Variants in ZNF431 observed in about 807,000 individuals in gnomAD.
ZNF431 encodes zinc finger protein 431.
In ZNF431, 34 loss-of-function variants were observed where a neutral mutation model predicts 57.0. The observed-to-expected ratio is 0.60, with a 90% CI of 0.45 to 0.79. ZNF431 has a LOEUF of 0.79. Among genes scored for constraint, ZNF431 ranks in the 30% least tolerant of loss-of-function variants. The probability of loss-of-function intolerance (pLI) is 0.00; values close to 1 mark genes in which losing one functional copy is unlikely to be tolerated. For missense variants in ZNF431, 607 were observed against 667.1 expected (o/e 0.91, Z 0.99); for synonymous variants, 207 against 220.3 (o/e 0.94, Z 0.54).
At chr19:21,182,375 C>G (rs1599620099) in intron 4 of ZNF431, among the ~76,000 whole-genome samples, 1 of 152,180 alleles carries the variant, frequency 6.6e-6, no homozygotes, top group Non-Finnish European at 1.5e-5. Context: ...TCTTCTGTGT[C>G]TTTGCATTCC....
At position 21,195,274 on chromosome 19, in the gene ZNF431, T is replaced by C. The variant is rs1229943096; in HGVS notation, c.*11240T>C. The C allele has an allele frequency of 6.6e-6, 1 of 152,260 alleles. No homozygotes were observed. The highest frequency in any genetic ancestry group is 2.4e-5 in the African/African-American group (1 of 41,472). 9.4% of individuals were successfully genotyped at this position (152,260 alleles called of 1,614,324 possible). ...CTGCTGCTTCTTAAGATGCTTTTAA[T>C]GAATAAAATCTGCCTTAAAATTTGA... On this transcript the variant is annotated 3_prime_UTR_variant, in exon 5 of 5. Coordinates refer to ENST00000311048, the MANE Select transcript of ZNF431 (RefSeq NM_133473.4).
Position 21,194,288 on chromosome 19 carries a change from A to G in ZNF431, c.*10254A>G, listed in dbSNP as rs925868024. ...TAAACAAAAAATAATATACTTAGAAATACATCAAACCAGGGAGGTAAAATA... is the reference window on the plus strand; with the variant it reads ...TAAACAAAAAATAATATACTTAGAAGTACATCAAACCAGGGAGGTAAAATA... On this transcript the variant is annotated 3_prime_UTR_variant, in exon 5 of 5. Coordinates refer to ENST00000311048, the MANE Select transcript of ZNF431 (RefSeq NM_133473.4). 3.3e-5 allele frequency: 5 copies of G among 152,212 alleles called. No individual in the cohort carries two copies. The highest frequency in any genetic ancestry group is 1.2e-4 in the African/African-American group (5 of 41,460). The allele number at this position is 152,212 out of a possible 1,614,324, so 9.4% of individuals were successfully genotyped here. A position where few individuals can be genotyped will look rare whatever the true frequency, so the allele number is the denominator to read the frequency against.
chr19:21,142,506 C>G (rs1014097442), intron 1 of ZNF431, among the ~76,000 whole-genome samples: 1 of 152,226 alleles, frequency 6.6e-6, no homozygotes, highest in African/African-American at 2.4e-5. Flanking sequence ...GGGGACAGTT[C>G]TGACTCGGGG....
At chr19:21,175,899 T>G (rs568989900) in intron 4 of ZNF431, among the ~76,000 whole-genome samples, 80 of 152,364 alleles carry the variant, frequency 5.3e-4, no homozygotes, top group African/African-American at 1.9e-3. Flanking sequence ...CATCCATGTA[T>G]CTTCATAATA....
Position 21,188,102 on chromosome 19 carries a change from T to C in ZNF431, c.*4068T>C, listed in dbSNP as rs927507172. 6.6e-6 allele frequency: 1 copy of C among 151,912 alleles called. No individual in the cohort carries two copies. Among genetic ancestry groups the C allele is most frequent in the Non-Finnish European group, 1.5e-5 (1 of 68,034 alleles). 9.4% of individuals were successfully genotyped at this position (151,912 alleles called of 1,614,324 possible). ...GGTGAAACCCTGTGTCTACTAAAAA[T>C]ACAAATTTAGCCACGCGTGGTGACG... On this transcript the variant is annotated 3_prime_UTR_variant, in exon 5 of 5. Coordinates refer to ENST00000311048, the MANE Select transcript of ZNF431 (RefSeq NM_133473.4).
chr19:21,156,362 AT>A (rs138201493), intron 2 of ZNF431, among the ~76,000 whole-genome samples: 70 of 150,752 alleles, frequency 4.6e-4, no homozygotes, highest in African/African-American at 1.6e-3. Flanking sequence ...CCACGCATGG[AT>A]TTTTTTTTTC....
intron 4 of ZNF431, among the ~76,000 whole-genome samples, chr19:21,176,780 C>G (rs535743718): frequency 6.6e-6 from 1 of 152,192 alleles, no homozygotes; most frequent in East Asian, 1.9e-4. Context: ...TCACTGCAAC[C>G]TCCACTTCCC....
chr19:21,178,018 T>G (rs1222696903), intron 4 of ZNF431, among the ~76,000 whole-genome samples: 1 of 152,184 alleles, frequency 6.6e-6, no homozygotes, highest in Non-Finnish European at 1.5e-5. Context: ...GTAGTTCTCC[T>G]TGAAGAGGTC....
At chr19:21,143,491 G>A (rs1316333128) in intron 1 of ZNF431, 60 bp from the exon 2 acceptor site, 12 of 1,329,392 alleles carry the variant, frequency 9.0e-6, no homozygotes, top group Non-Finnish European at 1.3e-5. Flanking sequence ...GATATCCACC[G>A]TGGTTATGTC....
At chr19:21,151,021 T>C (rs1443558988) in intron 2 of ZNF431, 1 of 152,184 alleles carries the variant, frequency 6.6e-6, no homozygotes, top group Non-Finnish European at 1.5e-5. Context: ...ATATCTGCTG[T>C]ACTTAAGCTG....
At chr19:21,164,184 CAT>C (rs1230903264) in intron 2 of ZNF431, among the ~76,000 whole-genome samples, 10 of 152,028 alleles carry the variant, frequency 6.6e-5, no homozygotes, top group Middle Eastern at 3.4e-3. Flanking sequence ...TGAAGGGCCT[CAT>C]GTGACTCTAA....
Position 21,182,944 on chromosome 19 carries a change from G to A in ZNF431, c.641G>A (p.Cys214Tyr), listed in dbSNP as rs139391034. Reference protein sequence around the residue: ...FKCKKCGKSFCMLLHLSQHKR... With the variant: ...FKCKKCGKSFYMLLHLSQHKR... ...TGTAAAAAATGTGGCAAATCATTTTGCATGCTTTTACACCTAAGTCAACAT... is the reference window on the plus strand; with the variant it reads ...TGTAAAAAATGTGGCAAATCATTTTACATGCTTTTACACCTAAGTCAACAT... Residue 214 changes from cysteine to tyrosine, a missense_variant, in exon 5 of 5, where the codon TGC (cysteine) becomes TAC (tyrosine). Physicochemically the swap from Cys to Tyr is radical, Grantham distance 194. Coordinates refer to ENST00000311048, the MANE Select transcript of ZNF431 (RefSeq NM_133473.4). 1.2e-6 allele frequency: 2 copies of A among 1,614,028 alleles called. No individual in the cohort carries two copies. Among genetic ancestry groups the A allele is most frequent in the Non-Finnish European group, 8.5e-7 (1 of 1,179,942 alleles).
intron 3 of ZNF431, 118 bp from the exon 4 acceptor site, chr19:21,167,453 C>T: frequency 1.4e-6 from 1 of 725,556 alleles, no homozygotes; most frequent in Non-Finnish European, 1.9e-6. Flanking sequence ...GCAACTGCGC[C>T]CAGCCTTTGG....
At chr19:21,170,345 T>C (rs897228525) in intron 4 of ZNF431, among the ~76,000 whole-genome samples, 25 of 152,200 alleles carry the variant, frequency 1.6e-4, no homozygotes, top group African/African-American at 5.5e-4. Flanking sequence ...TTTTTTTTTG[T>C]GGCGAGGATA....
At chr19:21,150,150 C>T in intron 2 of ZNF431, 1 of 609,124 alleles carries the variant, frequency 1.6e-6, no homozygotes, top group Middle Eastern at 4.9e-4. Flanking sequence ...TACTTGTAGG[C>T]TAGCTTAAGC....
intron 2 of ZNF431, among the ~76,000 whole-genome samples, chr19:21,155,939 C>T (rs1372697438): frequency 6.6e-6 from 1 of 152,038 alleles, no homozygotes. Flanking sequence ...GGGCTCCTGC[C>T]AGGATTGAAG....
intron 4 of ZNF431, among the ~76,000 whole-genome samples, chr19:21,168,731 G>T (rs1475998738): frequency 6.6e-6 from 1 of 151,732 alleles, no homozygotes; most frequent in Non-Finnish European, 1.5e-5. Context: ...ATATTTCATT[G>T]TAAAGATTTT....
rs112917399 is a variant in ZNF431 at position 21,185,295 on chromosome 19, A to C, written c.*1261A>C. ...TTTTGCAGAGTTATAATTACATTCAAAGTATACTTTATTTCTTGAAAAATA... is the reference window on the plus strand; with the variant it reads ...TTTTGCAGAGTTATAATTACATTCACAGTATACTTTATTTCTTGAAAAATA... On this transcript the variant is annotated 3_prime_UTR_variant, in exon 5 of 5. Transcript: ENST00000311048. The C allele has an allele frequency of 6.6e-6, 1 of 152,214 alleles. No individual in the cohort carries two copies. The highest frequency in any genetic ancestry group is 1.9e-4 in the East Asian group (1 of 5,202). The allele number at this position is 152,214 out of a possible 1,614,324, so 9.4% of individuals were successfully genotyped here.
chr19:21,181,742 T>C (rs1268736483), intron 4 of ZNF431, among the ~76,000 whole-genome samples: 8 of 152,132 alleles, frequency 5.3e-5, no homozygotes, highest in Admixed American at 4.6e-4. Flanking sequence ...TTTTACTCAT[T>C]GAGTATTCAA....
Sources: allele counts gnomAD v4.1 joint callset (sites outside exome capture counted in the v4.1 genomes callset), GRCh38; gene constraint gnomAD v4.1.1; transcripts MANE v1.5; gene names NCBI Gene and HGNC (gene_info 2026-07-23, HGNC 2026-07-21).